MAGI1: variants seen among roughly 807,000 people sequenced by gnomAD.
MAGI1 encodes membrane associated guanylate kinase, WW and PDZ domain containing 1, also known as membrane-associated guanylate kinase, WW and PDZ domain-containing protein 1.
In MAGI1, 58 loss-of-function variants were observed where a neutral mutation model predicts 139.9. The observed-to-expected ratio is 0.41, with a 90% CI of 0.34 to 0.52. The LOEUF is 0.52. Ranked by LOEUF, MAGI1 falls within the 20% of genes least tolerant of loss-of-function variation. The pLI is 0.12. For missense variants in MAGI1, 1,874 were observed against 1,901.6 expected (o/e 0.99, Z 0.27); for synonymous variants, 812 against 737.9 (o/e 1.10, Z -1.63).
At chr3:65,794,055 C>G (rs1185982014) in intron 1 of MAGI1, among the ~76,000 whole-genome samples, 1 of 152,126 alleles carries the variant, frequency 6.6e-6, no homozygotes, top group African/African-American at 2.4e-5. Context: ...TGCGCTACCA[C>G]AATACAGAAC....
At chr3:65,800,958 T>C (rs777628369) in intron 1 of MAGI1, among the ~76,000 whole-genome samples, 1 of 152,208 alleles carries the variant, frequency 6.6e-6, no homozygotes. Context: ...TCCCCTGGGA[T>C]AAAACAGAGT....
chr3:65,924,813 TA>T (rs1329280512), intron 1 of MAGI1: 1 of 152,280 alleles, frequency 6.6e-6, no homozygotes, highest in South Asian at 2.1e-4. Flanking sequence ...ATTTACGAGT[TA>T]ATCCATGTAA....
intron 2 of MAGI1, among the ~76,000 whole-genome samples, chr3:65,514,980 T>TA (rs1362401903): frequency 2.0e-5 from 3 of 149,204 alleles, no homozygotes; most frequent in African/African-American, 5.0e-5. Context: ...TATGCAGCCA[T>TA]AAAAAATGAT....
intron 2 of MAGI1, among the ~76,000 whole-genome samples, chr3:65,601,007 T>A (rs1370959322): frequency 1.3e-5 from 2 of 152,188 alleles, no homozygotes; most frequent in African/African-American, 2.4e-5. Flanking sequence ...TCCTGCCTCA[T>A]GGAACTGTGA....
chr3:66,022,635 A>G (rs4688634), intron 1 of MAGI1, among the ~76,000 whole-genome samples: 59,420 of 152,016 alleles, frequency 0.39, 12,707 homozygotes, highest in East Asian at 0.66. Context: ...GCCTAAACTC[A>G]AGATTCAAAG....
At chr3:65,678,518 C>T (rs1458162720) in intron 1 of MAGI1, among the ~76,000 whole-genome samples, 3 of 152,152 alleles carry the variant, frequency 2.0e-5, no homozygotes, top group East Asian at 1.9e-4. Flanking sequence ...TTAAGGGAAA[C>T]GTACATACAG....
At chr3:65,599,312 C>G (rs1168886876) in intron 2 of MAGI1, among the ~76,000 whole-genome samples, 1 of 152,092 alleles carries the variant, frequency 6.6e-6, no homozygotes, top group Non-Finnish European at 1.5e-5. Context: ...ATCTTTCCTT[C>G]GAATGCAGTA....
intron 1 of MAGI1, among the ~76,000 whole-genome samples, chr3:65,810,068 T>A (rs2041127416): frequency 1.3e-5 from 2 of 152,184 alleles, no homozygotes; most frequent in African/African-American, 2.4e-5. Context: ...TACCAAAGTA[T>A]CATGGTTTCA....
At chr3:65,439,596 G>A (rs1362181860) in intron 9 of MAGI1, among the ~76,000 whole-genome samples, 2 of 152,102 alleles carry the variant, frequency 1.3e-5, no homozygotes, top group African/African-American at 4.8e-5. Context: ...AAATACTGCG[G>A]GGGCAAGAAA....
chr3:65,478,841 C>T (rs1335606659), intron 3 of MAGI1, 43 bp from the exon 4 acceptor site: 1 of 1,464,588 alleles, frequency 6.8e-7, no homozygotes, highest in Admixed American at 1.7e-5. Context: ...AAAAGGAATA[C>T]TTTGTGTTTT....
At chr3:65,743,582 G>A (rs928535626) in intron 1 of MAGI1, among the ~76,000 whole-genome samples, 1 of 152,016 alleles carries the variant, frequency 6.6e-6, no homozygotes, top group African/African-American at 2.4e-5. Flanking sequence ...GGTGGCATAG[G>A]CCTGTAATCC....
chr3:65,379,565 G>A lies in MAGI1; in HGVS notation c.2702-11C>T. On this transcript the variant is annotated splice_polypyrimidine_tract_variant and intron_variant, in intron 16 of 22. Transcript: ENST00000402939. The stretch of plus-strand genomic sequence containing the variant: ...TCTCGGTTTTGGGCACTGTAGCAGA[G>A]AGATGCACGCGTACATCACCGTGTC... 1 of 1,600,836 alleles carries A rather than the reference G, an allele frequency of 6.2e-7. No homozygotes were observed. Among genetic ancestry groups the A allele is most frequent in the South Asian group, 1.1e-5 (1 of 90,554 alleles).
chr3:65,640,989 T>C (rs894135551), intron 1 of MAGI1, among the ~76,000 whole-genome samples: 1 of 152,040 alleles, frequency 6.6e-6, no homozygotes, highest in Admixed American at 6.6e-5. Flanking sequence ...AGAAAGAAAA[T>C]TATCTTTACC....
chr3:65,927,636 C>T (rs1263229427), intron 1 of MAGI1, among the ~76,000 whole-genome samples: 1 of 152,136 alleles, frequency 6.6e-6, no homozygotes, highest in Non-Finnish European at 1.5e-5. Flanking sequence ...TAAAGTACTG[C>T]TTTTAGGTTC....
intron 1 of MAGI1, among the ~76,000 whole-genome samples, chr3:65,675,281 T>G (rs2107485309): frequency 6.6e-6 from 1 of 152,274 alleles, no homozygotes; most frequent in South Asian, 2.1e-4. Context: ...ATATCAGCCT[T>G]AAAAACAGAA....
chr3:65,825,754 C>T (rs1410418193), intron 1 of MAGI1, among the ~76,000 whole-genome samples: 1 of 152,086 alleles, frequency 6.6e-6, no homozygotes, highest in Non-Finnish European at 1.5e-5. Flanking sequence ...CTTTGGGAGG[C>T]CAAGGCAGGC....
intron 1 of MAGI1, among the ~76,000 whole-genome samples, chr3:65,650,524 T>C (rs2085519806): frequency 6.6e-6 from 1 of 152,172 alleles, no homozygotes; most frequent in Admixed American, 6.6e-5. Context: ...GAATGAGAAA[T>C]GCCAAATGGG....
intron 1 of MAGI1, among the ~76,000 whole-genome samples, chr3:65,701,671 G>A (rs1267247615): frequency 1.3e-5 from 2 of 152,080 alleles, no homozygotes; most frequent in Non-Finnish European, 2.9e-5. Flanking sequence ...GACTGAAAAA[G>A]ATGTGACTAG....
At chr3:65,996,544 G>A (rs889527892) in intron 1 of MAGI1, among the ~76,000 whole-genome samples, 13 of 118,276 alleles carry the variant, frequency 1.1e-4, no homozygotes, top group Non-Finnish European at 2.3e-4. Context: ...AAACTAAGGG[G>A]GGGGGGGGGG....
Sources: allele counts gnomAD v4.1 joint callset (sites outside exome capture counted in the v4.1 genomes callset), GRCh38; gene constraint gnomAD v4.1.1; transcripts MANE v1.5; gene names NCBI Gene and HGNC (gene_info 2026-07-23, HGNC 2026-07-21).